UNC13C: variants seen among roughly 807,000 people sequenced by gnomAD.
The protein encoded by UNC13C is unc-13 homolog C, also known as protein unc-13 homolog C.
In UNC13C, 174 loss-of-function variants were observed where a neutral mutation model predicts 245.4. The observed-to-expected ratio is 0.71, with a 90% confidence interval of 0.63 to 0.80. UNC13C has a LOEUF of 0.80. UNC13C is among the 30% of genes least tolerant of loss of function. UNC13C has a pLI of 0.00. For synonymous variants in UNC13C, 992 were observed against 895.1 expected, an observed-to-expected ratio of 1.11 and a Z score of -1.93; for missense variants, 2,829 against 2,602.9, an observed-to-expected ratio of 1.09 and a Z score of -1.89.
chr15:53,977,143 T>G (rs1439629093), upstream of UNC13C, among the ~76,000 whole-genome samples: 1 of 152,188 alleles, frequency 6.6e-6, no homozygotes, highest in Non-Finnish European at 1.5e-5. Flanking sequence ...AACAGTCACT[T>G]AAGCAGCGGG....
chr15:54,014,879 A>G lies in UNC13C; in HGVS notation c.1976A>G (p.Glu659Gly). 1 of 1,613,936 alleles carries G rather than the reference A, an allele frequency of 6.2e-7. No homozygotes were observed. Among genetic ancestry groups the G allele is most frequent in the South Asian group, 1.1e-5 (1 of 91,082 alleles). The change falls in exon 2 of 33, where the codon GAA becomes GGA. Residue 659 changes from glutamate to glycine, a missense_variant. Glu to Gly is a moderately conservative substitution (Grantham distance 98). Coordinates refer to ENST00000260323, the MANE Select transcript of UNC13C (RefSeq NM_001080534.3). ...CATGAGGATCTTTCTCCATGGAAGGAATGGAATCAAGGAGCTGATTTAGGC... is the reference window on the plus strand; with the variant it reads ...CATGAGGATCTTTCTCCATGGAAGGGATGGAATCAAGGAGCTGATTTAGGC... ...SLHEDLSPWK[E>G]WNQGADLGLD...
At chr15:53,882,245 G>T in the UNC13C span, among the ~76,000 whole-genome samples, 2 of 152,132 alleles carry the variant, frequency 1.3e-5, no homozygotes, top group African/African-American at 4.8e-5. Context: ...TTATGAACAA[G>T]TTCAAAAGCT....
intron 1 of UNC13C, among the ~76,000 whole-genome samples, chr15:53,989,617 T>C (rs1894293908): frequency 1.3e-5 from 2 of 151,998 alleles, no homozygotes; most frequent in Non-Finnish European, 2.9e-5. Flanking sequence ...AATAGCCAAA[T>C]AGAATAATAT....
chr15:54,354,638 C>T (rs1441691758), intron 17 of UNC13C, among the ~76,000 whole-genome samples: 1 of 152,116 alleles, frequency 6.6e-6, no homozygotes, highest in Non-Finnish European at 1.5e-5. Context: ...GGCCACACAG[C>T]TTCTGGAATA....
intron 18 of UNC13C, among the ~76,000 whole-genome samples, chr15:54,408,938 G>C (rs889348303): frequency 6.6e-6 from 1 of 152,080 alleles, no homozygotes; most frequent in Non-Finnish European, 1.5e-5. Context: ...TTTTTCCGTG[G>C]TATCATTTAA....
intron 18 of UNC13C, among the ~76,000 whole-genome samples, chr15:54,396,062 TC>T (rs2040063391): frequency 6.6e-6 from 1 of 150,642 alleles, no homozygotes; most frequent in Admixed American, 6.6e-5. Flanking sequence ...GGTCCAGGTT[TC>T]TGTCTCTTTT....
chr15:54,330,602 C>T (rs1422318022), intron 14 of UNC13C, among the ~76,000 whole-genome samples: 2 of 152,158 alleles, frequency 1.3e-5, no homozygotes, highest in Middle Eastern at 6.8e-3. Flanking sequence ...ATCACACTCA[C>T]TTTGATAATC....
intron 19 of UNC13C, among the ~76,000 whole-genome samples, chr15:54,440,733 T>C (rs1359720962): frequency 6.6e-6 from 1 of 152,028 alleles, no homozygotes; most frequent in East Asian, 1.9e-4. Flanking sequence ...GAAATCTCTA[T>C]ACTGTTTTCC....
intron 30 of UNC13C, among the ~76,000 whole-genome samples, chr15:54,619,301 A>C (rs1814721223): frequency 6.6e-6 from 1 of 152,198 alleles, no homozygotes; most frequent in East Asian, 1.9e-4. Flanking sequence ...CAATGGCAGC[A>C]GTGTCAACAA....
chr15:54,108,021 A>C (rs894493153), intron 2 of UNC13C, among the ~76,000 whole-genome samples: 1 of 152,212 alleles, frequency 6.6e-6, no homozygotes, highest in Non-Finnish European at 1.5e-5. Flanking sequence ...AAAGAGAAAA[A>C]AACATACTTT....
chr15:54,353,816 G>A (rs972505142), intron 17 of UNC13C, among the ~76,000 whole-genome samples: 1 of 151,972 alleles, frequency 6.6e-6, no homozygotes, highest in Admixed American at 6.6e-5. Context: ...GAACTCCTGG[G>A]GTTCTGTCCT....
chr15:54,147,646 T>C (rs911029563), intron 4 of UNC13C, among the ~76,000 whole-genome samples: 2 of 152,168 alleles, frequency 1.3e-5, no homozygotes, highest in Non-Finnish European at 2.9e-5. Context: ...TAAGTTTACC[T>C]TTCCCTTGAC....
At chr15:53,878,312 A>T in the UNC13C span, among the ~76,000 whole-genome samples, 40 of 152,250 alleles carry the variant, frequency 2.6e-4, no homozygotes, top group South Asian at 7.9e-3. Context: ...AGAATTTTTC[A>T]TACTCATACA....
At chr15:54,183,736 A>T (rs1595963940) in intron 4 of UNC13C, among the ~76,000 whole-genome samples, 1 of 149,034 alleles carries the variant, frequency 6.7e-6, no homozygotes, top group East Asian at 2.0e-4. Flanking sequence ...TCTTTGTGCT[A>T]GGCTCAGACA....
intron 12 of UNC13C, among the ~76,000 whole-genome samples, chr15:54,299,888 G>A (rs1482824825): frequency 6.6e-6 from 1 of 152,076 alleles, no homozygotes; most frequent in Non-Finnish European, 1.5e-5. Flanking sequence ...GGAAACTAAA[G>A]CCTTGATTTT....
the UNC13C span, among the ~76,000 whole-genome samples, chr15:53,905,432 A>ACACACACACAC: frequency 2.0e-5 from 3 of 149,302 alleles, no homozygotes; most frequent in Non-Finnish European, 1.5e-5. Context: ...ACACACACAC[A>ACACACACACAC]ATGGAATATT....
chr15:53,948,770 C>T, the UNC13C span, among the ~76,000 whole-genome samples: 1 of 151,672 alleles, frequency 6.6e-6, no homozygotes, highest in African/African-American at 2.4e-5. Context: ...GAGGAAATGA[C>T]CTTTCAAGCA....
chr15:54,592,618 C>T lies in UNC13C; in HGVS notation c.6106+24671C>T, dbSNP rs1312479387. ...TTGTCGGATATAAGAATAGCTACCC[C>T]TGCTTGCTTTTGGTGTCTTTTTGCA... On this transcript the variant is annotated intron_variant, in intron 30 of 32. Transcript: ENST00000260323. Among the ~76,000 whole-genome samples the T allele has an allele frequency of 2.6e-5, 4 of 152,138 alleles. No individual in the cohort carries two copies. The East Asian group carries it at 7.7e-4, about 29-fold the overall frequency.
At chr15:54,409,895 A>C (rs2140943153) in intron 18 of UNC13C, among the ~76,000 whole-genome samples, 1 of 152,306 alleles carries the variant, frequency 6.6e-6, no homozygotes, top group East Asian at 1.9e-4. Context: ...ATTCCCAATA[A>C]AGAGATTGCT....
Sources: gnomAD v4.1 joint callset for allele counts (sites outside exome capture counted in the v4.1 genomes callset) on GRCh38, gnomAD v4.1.1 for gene constraint, MANE v1.5 for transcripts, NCBI Gene and HGNC (gene_info 2026-07-23, HGNC 2026-07-21) for gene names.